The following SHROOM3 variants were observed in gnomAD, a reference collection of about 807,000 sequenced individuals.
SHROOM3 encodes protein Shroom3.
SHROOM3 carries 47 observed loss-of-function variants against 138.6 expected under a neutral mutation model. The ratio of observed to expected loss-of-function variants is 0.34; its 90% CI spans 0.27 to 0.43. The LOEUF is 0.43. SHROOM3 is among the 20% of genes least tolerant of loss of function. SHROOM3 has a pLI of 1.00. For synonymous variants in SHROOM3, 1,062 were observed against 1,063.3 expected, an observed-to-expected ratio of 1.00 and a Z score of 0.02; for missense variants, 2,491 against 2,596.5, an observed-to-expected ratio of 0.96 and a Z score of 0.88.
Position 76,754,490 on chromosome 4 carries a change from T to C in SHROOM3, c.4007T>C (p.Leu1336Pro). The C allele has an allele frequency of 3.1e-6, 5 of 1,614,100 alleles. No homozygotes were observed. Among genetic ancestry groups the C allele is most frequent in the Non-Finnish European group, 4.2e-6 (5 of 1,179,984 alleles). The change falls in exon 7 of 11, where the codon CTG (leucine) becomes CCG (proline). Residue 1336 changes from leucine to proline, a missense_variant. Leu to Pro is a moderately conservative substitution (Grantham distance 98, BLOSUM62 -3). Around this residue, in one of 4 missense-constraint regions of SHROOM3, gnomAD observed 1,733 missense variants for 1,661.6 expected, o/e 1.04. Coordinates refer to ENST00000296043, the MANE Select transcript of SHROOM3 (RefSeq NM_020859.4). ...AGGACACCCTGCCCCAGGCCACCACTGGCAGGAACGCAAGGGCTGGTCACA... is the reference window on the plus strand; with the variant it reads ...AGGACACCCTGCCCCAGGCCACCACCGGCAGGAACGCAAGGGCTGGTCACA... ...ASRTPCPRPPLAGTQGLVTDT... is the reference protein window; with the variant it reads ...ASRTPCPRPPPAGTQGLVTDT...
chr4:76,765,358 A>C (rs1156320481), intron 9 of SHROOM3, among the ~76,000 whole-genome samples: 1 of 151,870 alleles, frequency 6.6e-6, no homozygotes, highest in Non-Finnish European at 1.5e-5. Context: ...CTACAAAAAA[A>C]AAAAAAAAAA....
intron 2 of SHROOM3, among the ~76,000 whole-genome samples, chr4:76,632,344 A>G (rs527347005): frequency 5.0e-4 from 76 of 152,340 alleles, no homozygotes; most frequent in African/African-American, 1.8e-3. Context: ...GGACATATCA[A>G]CCTCATGAGG....
At chr4:76,472,701 T>C (rs889768625) in intron 1 of SHROOM3, among the ~76,000 whole-genome samples, 62 of 25,490 alleles carry the variant, frequency 2.4e-3, no homozygotes, top group Admixed American at 0.018. Flanking sequence ...CTTTCTTTCT[T>C]TTTTTTTTTT....
At chr4:76,467,666 A>G (rs142305591) in intron 1 of SHROOM3, among the ~76,000 whole-genome samples, 229 of 152,328 alleles carry the variant, frequency 1.5e-3, no homozygotes, top group African/African-American at 5.3e-3. Context: ...AGTCACTGCA[A>G]CTGCAATTGG....
At chr4:76,452,876 C>A (rs1416388853) in intron 1 of SHROOM3, among the ~76,000 whole-genome samples, 2 of 152,136 alleles carry the variant, frequency 1.3e-5, no homozygotes, top group African/African-American at 4.8e-5. Context: ...TGCCACCATG[C>A]CGAGCTAATT....
chr4:76,513,433 C>T (rs1298352334), intron 1 of SHROOM3, among the ~76,000 whole-genome samples: 1 of 152,128 alleles, frequency 6.6e-6, no homozygotes, highest in African/African-American at 2.4e-5. Flanking sequence ...CATGCCTCAG[C>T]CTCCCGCGTA....
intron 2 of SHROOM3, among the ~76,000 whole-genome samples, chr4:76,633,815 A>G (rs1735413206): frequency 6.6e-6 from 1 of 152,192 alleles, no homozygotes; most frequent in African/African-American, 2.4e-5. Context: ...ATTGGAACCC[A>G]GGCAGTCTGG....
At chr4:76,504,455 G>A (rs758984960) in intron 1 of SHROOM3, among the ~76,000 whole-genome samples, 9 of 152,024 alleles carry the variant, frequency 5.9e-5, no homozygotes, top group Non-Finnish European at 1.2e-4. Flanking sequence ...CAAAATGCCC[G>A]GCCGACTTAT....
At chr4:76,462,887 AT>A (rs1323627139) in intron 1 of SHROOM3, among the ~76,000 whole-genome samples, 8 of 152,156 alleles carry the variant, frequency 5.3e-5, no homozygotes, top group Non-Finnish European at 7.3e-5. Flanking sequence ...CTGTGGATCA[AT>A]TTAACCTCTT....
At chr4:76,510,328 T>C (rs1732308177) in intron 1 of SHROOM3, among the ~76,000 whole-genome samples, 1 of 152,210 alleles carries the variant, frequency 6.6e-6, no homozygotes. Flanking sequence ...TGAGGTAAAG[T>C]CAGTATAATC....
intron 10 of SHROOM3, among the ~76,000 whole-genome samples, chr4:76,775,383 CA>C (rs1234909567): frequency 6.7e-6 from 1 of 149,634 alleles, no homozygotes; most frequent in East Asian, 2.0e-4. Context: ...GCAAGAATGG[CA>C]ATAAAAAAAA....
At chr4:76,678,796 G>T (rs1719111050) in intron 2 of SHROOM3, among the ~76,000 whole-genome samples, 1 of 152,118 alleles carries the variant, frequency 6.6e-6, no homozygotes, top group Non-Finnish European at 1.5e-5. Flanking sequence ...GAGTAGCTGG[G>T]ATTACAGGTG....
At chr4:76,469,184 G>A (rs1731313793) in intron 1 of SHROOM3, among the ~76,000 whole-genome samples, 1 of 152,074 alleles carries the variant, frequency 6.6e-6, no homozygotes, top group South Asian at 2.1e-4. Context: ...CTAGGCCACA[G>A]AGTGAGACTC....
chr4:76,763,664 AAGGTCATGT>A (rs1186168112), intron 9 of SHROOM3, among the ~76,000 whole-genome samples: 5 of 152,212 alleles, frequency 3.3e-5, no homozygotes, highest in Non-Finnish European at 7.3e-5. Flanking sequence ...AGTAGGTCAT[AAGGTCATGT>A]AGGGCTTTGT....
At chr4:76,747,978 A>T (rs11097498) in intron 5 of SHROOM3, among the ~76,000 whole-genome samples, 52,241 of 151,968 alleles carry the variant, frequency 0.34, 8,923 homozygotes, top group Non-Finnish European at 0.36. Context: ...TCCAATTGTT[A>T]TAAAGATTAA....
intron 9 of SHROOM3, among the ~76,000 whole-genome samples, chr4:76,768,711 A>G (rs1210777022): frequency 6.6e-6 from 1 of 152,010 alleles, no homozygotes; most frequent in African/African-American, 2.4e-5. Flanking sequence ...ATGGGCTTTC[A>G]CCATTTTGAC....
chr4:76,529,435 G>C (rs1732783340), intron 1 of SHROOM3, among the ~76,000 whole-genome samples: 1 of 151,932 alleles, frequency 6.6e-6, no homozygotes, highest in African/African-American at 2.4e-5. Context: ...TCTTGCCTCA[G>C]CCTCCCGAAT....
At chr4:76,526,488 C>T (rs1732693222) in intron 1 of SHROOM3, among the ~76,000 whole-genome samples, 1 of 152,152 alleles carries the variant, frequency 6.6e-6, no homozygotes, top group Non-Finnish European at 1.5e-5. Context: ...AGAGTAGGAA[C>T]TTGAAAATGT....
intron 2 of SHROOM3, among the ~76,000 whole-genome samples, chr4:76,674,392 C>T (rs1400908308): frequency 1.3e-5 from 2 of 152,038 alleles, no homozygotes; most frequent in Non-Finnish European, 1.5e-5. Context: ...CATTCACATC[C>T]TTGAATCTTT....
Sources: gnomAD v4.1 joint callset for allele counts (sites outside exome capture counted in the v4.1 genomes callset) on GRCh38, gnomAD v4.1.1 for gene constraint, gnomAD v4.1.1 regional missense constraint, MANE v1.5 for transcripts, NCBI Gene and HGNC (gene_info 2026-07-23, HGNC 2026-07-21) for gene names.